Variants in MGAT5 observed in about 807,000 individuals in gnomAD.
MGAT5 encodes the protein alpha-1,6-mannosylglycoprotein 6-beta-N-acetylglucosaminyltransferase A.
A neutral mutation model predicts 94.3 loss-of-function variants in MGAT5; 30 were observed. That is an observed-to-expected ratio of 0.32 (90% CI 0.24 to 0.43). The LOEUF (loss-of-function observed/expected upper bound fraction) is 0.43. Ranked by LOEUF, MGAT5 falls within the 20% of genes least tolerant of loss-of-function variation. MGAT5 has a pLI of 1.00. For missense variants in MGAT5, 691 were observed against 905.5 expected, an observed-to-expected ratio of 0.76 and a Z score of 3.04; for synonymous variants, 310 against 322.9, an observed-to-expected ratio of 0.96 and a Z score of 0.43.
chr2:134,296,523 T>G (rs939308368), intron 2 of MGAT5, among the ~76,000 whole-genome samples: 1 of 152,158 alleles, frequency 6.6e-6, no homozygotes, highest in African/African-American at 2.4e-5. Context: ...CCCCTTGTCT[T>G]GTTTTTCCCT....
chr2:134,340,150 A>G (rs1234698270), intron 6 of MGAT5, among the ~76,000 whole-genome samples: 3 of 152,206 alleles, frequency 2.0e-5, no homozygotes, highest in African/African-American at 7.2e-5. Context: ...TCTTTGAGGA[A>G]GAACAAATTT....
intron 9 of MGAT5, among the ~76,000 whole-genome samples, chr2:134,352,921 G>A (rs1198066846): frequency 1.3e-5 from 2 of 152,144 alleles, no homozygotes; most frequent in Admixed American, 6.6e-5. Context: ...TGAACCTCAA[G>A]CATATTATGC....
chr2:134,169,393 C>CACACACACACACACACACACACAG (rs1688094695), intron 1 of MGAT5, among the ~76,000 whole-genome samples: 1 of 124,688 alleles, frequency 8.0e-6, no homozygotes, highest in African/African-American at 3.1e-5. Context: ...AAAATACACA[C>CACACACACACACACACACACACAG]ACACACACAC....
chr2:134,318,739 G>A lies in MGAT5; in HGVS notation c.573G>A (p.Glu191=), dbSNP rs1687151678. 4 of 1,609,750 alleles carry A rather than the reference G, an allele frequency of 2.5e-6. No homozygotes were observed. Among genetic ancestry groups the A allele is most frequent in the Non-Finnish European group, 3.4e-6 (4 of 1,176,244 alleles). Residue 191 remains glutamate (E), a splice_region_variant and synonymous_variant, in exon 4 of 16, where the codon GAG becomes GAA. Transcript: ENST00000281923. The part of the protein sequence containing the change: ...STCSFFIYLS[E]VENWCPHLPW... Reference sequence around the variant, plus strand: ...GCTCTTTTTTTATTTACCTCAGTGAGGTGAGTAGCTTTCTGTGGCTCCTGG... The same window carrying A: ...GCTCTTTTTTTATTTACCTCAGTGAAGTGAGTAGCTTTCTGTGGCTCCTGG...
intron 1 of MGAT5, among the ~76,000 whole-genome samples, chr2:134,130,113 C>T (rs905539372): frequency 2.6e-5 from 4 of 151,656 alleles, no homozygotes; most frequent in Non-Finnish European, 4.4e-5. Context: ...ACTGCCGGCC[C>T]GTCCGCACCA....
At chr2:134,183,731 C>T (rs1402534800) in intron 1 of MGAT5, among the ~76,000 whole-genome samples, 1 of 152,218 alleles carries the variant, frequency 6.6e-6, no homozygotes, top group African/African-American at 2.4e-5. Context: ...AGGCTGTCTG[C>T]AGCCATCATC....
chr2:134,397,399 A>G (rs906072178), intron 10 of MGAT5, among the ~76,000 whole-genome samples: 5 of 152,128 alleles, frequency 3.3e-5, no homozygotes, highest in African/African-American at 4.8e-5. Context: ...CTGCCTCACC[A>G]GGGGCCACAG....
intron 12 of MGAT5, among the ~76,000 whole-genome samples, chr2:134,417,898 C>T (rs1684071237): frequency 6.6e-6 from 1 of 152,112 alleles, no homozygotes; most frequent in Admixed American, 6.5e-5. Context: ...TGGTGATTTT[C>T]TGATTCCCTC....
intron 10 of MGAT5, among the ~76,000 whole-genome samples, chr2:134,387,845 C>G (rs10469581): frequency 0.18 from 27,417 of 152,084 alleles, 2,636 homozygotes; most frequent in Middle Eastern, 0.27. Flanking sequence ...GCTCCAAAGT[C>G]CAGTGATGGG....
At chr2:134,400,504 C>T (rs1464796432) in intron 10 of MGAT5, among the ~76,000 whole-genome samples, 2 of 152,166 alleles carry the variant, frequency 1.3e-5, no homozygotes, top group Non-Finnish European at 2.9e-5. Context: ...TTTGCCTGAA[C>T]TTGCCCCCTT....
chr2:134,267,495 A>C (rs921145654), intron 1 of MGAT5, among the ~76,000 whole-genome samples: 1 of 152,206 alleles, frequency 6.6e-6, no homozygotes, highest in African/African-American at 2.4e-5. Flanking sequence ...CCTCCTCCTC[A>C]TTATGAATCC....
At chr2:134,191,608 G>A (rs1365476535) in intron 1 of MGAT5, among the ~76,000 whole-genome samples, 1 of 149,946 alleles carries the variant, frequency 6.7e-6, no homozygotes, top group Non-Finnish European at 1.5e-5. Flanking sequence ...TCATGGGAGG[G>A]TGGGTTCGCA....
chr2:134,391,915 C>G (rs1211703512), intron 10 of MGAT5, among the ~76,000 whole-genome samples: 1 of 152,212 alleles, frequency 6.6e-6, no homozygotes, highest in Non-Finnish European at 1.5e-5. Flanking sequence ...GGTGAAACCA[C>G]TTCCCAAGGG....
chr2:134,200,646 CT>C (rs1329589465), intron 1 of MGAT5, among the ~76,000 whole-genome samples: 4 of 152,158 alleles, frequency 2.6e-5, no homozygotes, highest in African/African-American at 9.7e-5. Context: ...GCCCTAAACT[CT>C]GTTTTAATCA....
rs200391028 is a variant in MGAT5 at position 134,410,612 on chromosome 2, A to G, written c.1531-2257A>G. Among the ~76,000 whole-genome samples, 16 of 152,384 alleles carry G rather than the reference A, an allele frequency of 1.0e-4. No individual in the cohort carries two copies. In the East Asian group the frequency reaches 2.3e-3, roughly 22 times the overall value. On this transcript the variant is annotated intron_variant, in intron 11 of 15. Coordinates refer to ENST00000281923, the MANE Select transcript of MGAT5 (RefSeq NM_002410.5). ...GTTCAGATATAATTAAACCTAGGTC[A>G]CATTCAAGTCCATTAAGCAACAGCC...
At chr2:134,380,582 C>T (rs1681476790) in intron 10 of MGAT5, among the ~76,000 whole-genome samples, 1 of 152,198 alleles carries the variant, frequency 6.6e-6, no homozygotes, top group Non-Finnish European at 1.5e-5. Flanking sequence ...CATCTGTTAC[C>T]CGGCAGGTTC....
At position 134,145,214 on chromosome 2, in the gene MGAT5, C is replaced by CTCTCTGTGTGTGTGTGTGTGTGTG. The variant is rs373377770; in HGVS notation, c.-143+24924_-143+24925insCTCTGTGTGTGTGTGTGTGTGTGT. Reference sequence around the variant, plus strand: ...GTAAGGTGTGTGTGTGTCTCTCTCTCTGTGTGTGTGTGTGTGTGTGTGTGT... The same window carrying CTCTCTGTGTGTGTGTGTGTGTGTG: ...GTAAGGTGTGTGTGTGTCTCTCTCTCTCTCTGTGTGTGTGTGTGTGTGTGTGTGTGTGTGTGTGTGTGTGTGTGT... On this transcript the variant is annotated intron_variant, in intron 1 of 16. Transcript: ENST00000409645. Among the ~76,000 whole-genome samples the CTCTCTGTGTGTGTGTGTGTGTGTG allele has an allele frequency of 3.3e-4, 48 of 143,870 alleles. No homozygotes were observed. The East Asian group carries it at 6.5e-3, about 20-fold the overall frequency. 94.4% of individuals were successfully genotyped at this position (143,870 alleles called of 152,430 possible).
intron 1 of MGAT5, among the ~76,000 whole-genome samples, chr2:134,120,944 C>T (rs1685547881): frequency 1.3e-5 from 2 of 152,014 alleles, no homozygotes; most frequent in South Asian, 2.1e-4. Context: ...CTCAGCCCTG[C>T]TGCCGGGTCT....
intron 7 of MGAT5, among the ~76,000 whole-genome samples, chr2:134,342,719 T>TAAAC (rs376959502): frequency 1.4e-5 from 2 of 138,780 alleles, no homozygotes; most frequent in Admixed American, 1.4e-4. Context: ...GTCTCTGTCT[T>TAAAC]AAAAAAAAAA....
Sources: gnomAD v4.1 joint callset for allele counts (sites outside exome capture counted in the v4.1 genomes callset) on GRCh38, gnomAD v4.1.1 for gene constraint, MANE v1.5 for transcripts, NCBI Gene and HGNC (gene_info 2026-07-23, HGNC 2026-07-21) for gene names.